CFLAR: variants seen among roughly 807,000 people sequenced by gnomAD.
The protein encoded by CFLAR is CASP8 and FADD like apoptosis regulator.
In CFLAR, 14 loss-of-function variants were observed where a neutral mutation model predicts 51.1. The observed-to-expected ratio is 0.27, with a 90% CI of 0.18 to 0.43. The LOEUF (loss-of-function observed/expected upper bound fraction) is 0.43, where lower values mean the gene tolerates loss of function less well. CFLAR is among the 20% of genes least tolerant of loss of function. CFLAR has a pLI of 1.00. For missense variants in CFLAR, 390 were observed against 566.5 expected (o/e 0.69, Z 3.16); for synonymous variants, 210 against 211.6 (o/e 0.99, Z 0.06).
At chr2:201,122,734 A>T (rs1218541715) in intron 1 of CFLAR, 2 of 152,244 alleles carry the variant, frequency 1.3e-5, no homozygotes, top group Non-Finnish European at 2.9e-5. Flanking sequence ...TTGAGAGAGA[A>T]GATATAATTT....
At position 201,169,466 on chromosome 2, in the gene CFLAR, T is replaced by C. The variant is rs1943878249; in HGVS notation, c.*5493T>C. On this transcript the variant is annotated 3_prime_UTR_variant, in exon 10 of 10. Transcript: ENST00000309955. The stretch of plus-strand genomic sequence containing the variant: ...ACCTTATACAAAAATTAACTCAAGA[T>C]TAAAGACTTAATGTAAAACCTAAAA... The C allele has an allele frequency of 6.6e-6, 1 of 152,242 alleles. No homozygotes were observed. Among genetic ancestry groups the C allele is most frequent in the African/African-American group, 2.4e-5 (1 of 41,560 alleles). The allele number at this position is 152,242 out of a possible 1,614,324, so 9.4% of individuals were successfully genotyped here.
intron 4 of CFLAR, chr2:201,139,007 G>A (rs985845996): frequency 3.2e-5 from 16 of 497,490 alleles, no homozygotes; most frequent in Non-Finnish European, 5.1e-5. Flanking sequence ...CACGGTGTGG[G>A]GAAAAGAAAG....
rs983451505 is a variant in CFLAR at position 201,167,143 on chromosome 2, T to A, written c.*3170T>A. On this transcript the variant is annotated 3_prime_UTR_variant, in exon 10 of 10. Coordinates refer to ENST00000309955, the MANE Select transcript of CFLAR (RefSeq NM_003879.7). ...TCTATTTGTGTATATTTTGTCATGA[T>A]CATGTAACAGAGTCTGAAAAGTGTC... The A allele has an allele frequency of 1.1e-4, 16 of 152,278 alleles. No homozygotes were observed. Among genetic ancestry groups the A allele is most frequent in the Admixed American group, 3.3e-4 (5 of 15,298 alleles). The allele number at this position is 152,278 out of a possible 1,614,324, so 9.4% of individuals were successfully genotyped here.
intron 2 of CFLAR, 34 bp downstream of exon 2, chr2:201,130,180 T>TGGGGTGGGG: frequency 1.3e-5 from 1 of 79,254 alleles, no homozygotes; most frequent in Non-Finnish European, 2.8e-5. Flanking sequence ...GCTGGGTGGG[T>TGGGGTGGGG]GGGAGGGAGT....
intron 1 of CFLAR, among the ~76,000 whole-genome samples, chr2:201,127,100 A>T (rs2048784393): frequency 9.5e-6 from 1 of 105,702 alleles, no homozygotes; most frequent in Admixed American, 9.4e-5. Flanking sequence ...ACAGGTGCCA[A>T]TTTTGTCTGG....
At chr2:201,134,640 T>TTAAAATAAAATAAAA (rs60192551) in intron 3 of CFLAR, among the ~76,000 whole-genome samples, 4,928 of 142,872 alleles carry the variant, frequency 0.034, 122 homozygotes, top group African/African-American at 0.046. Flanking sequence ...ATCTCAAAAA[T>TTAAAATAAAATAAAA]TAAAATAAAA....
intron 4 of CFLAR, chr2:201,137,704 T>G: frequency 2.6e-6 from 2 of 768,278 alleles, no homozygotes; most frequent in East Asian, 2.4e-5. Context: ...AACTTCTGAA[T>G]GGACCCTTTG....
chr2:201,148,793 G>T, intron 6 of CFLAR: 1 of 487,318 alleles, frequency 2.1e-6, no homozygotes, highest in Non-Finnish European at 3.8e-6. Context: ...TTTCCAGATA[G>T]CCCCTGATAG....
chr2:201,130,439 G>A (rs2049171695), intron 2 of CFLAR, among the ~76,000 whole-genome samples: 1 of 131,286 alleles, frequency 7.6e-6, no homozygotes, highest in African/African-American at 3.0e-5. Flanking sequence ...TTGGCTCACT[G>A]CAACCTCCGC....
At chr2:201,128,264 A>G (rs1202422848) in intron 1 of CFLAR, among the ~76,000 whole-genome samples, 1 of 152,200 alleles carries the variant, frequency 6.6e-6, no homozygotes, top group Non-Finnish European at 1.5e-5. Context: ...AGATTAAAGC[A>G]CTGTTGGCCT....
chr2:201,136,334 A>G (rs752219384), intron 4 of CFLAR: 44 of 1,598,446 alleles, frequency 2.8e-5, no homozygotes, highest in Non-Finnish European at 3.6e-5. Flanking sequence ...AATGCTGCCA[A>G]GCAGTTCTTA....
chr2:201,142,907 A>AT (rs1939275951), intron 5 of CFLAR: 1 of 152,162 alleles, frequency 6.6e-6, no homozygotes, highest in Admixed American at 6.5e-5. Context: ...CCTAGCATAT[A>AT]TTTTTTAAAA....
At chr2:201,130,187 G>GGGGA in intron 2 of CFLAR, 41 bp downstream of exon 2, 9 of 292,382 alleles carry the variant, frequency 3.1e-5, no homozygotes, top group South Asian at 1.2e-4. Flanking sequence ...GGGTGGGAGG[G>GGGGA]AGTGAAGTGT....
At position 201,118,168 on chromosome 2, in the gene CFLAR, G is replaced by T. The variant is rs2047801620; in HGVS notation, c.-138+1687G>T. ...AATACTTGCTTTACTTAAGCTTTTG[G>T]GTCAAATGTCCTCGTTAAAATGGCT... On this transcript the variant is annotated intron_variant, in intron 1 of 9. Transcript: ENST00000309955. The surrounding 1 kb of genome is among the most constrained non-coding windows in gnomAD (Gnocchi z 5.1). Among the ~76,000 whole-genome samples, 1 of 152,068 alleles carries T rather than the reference G, an allele frequency of 6.6e-6. No individual in the cohort carries two copies. The highest frequency in any genetic ancestry group is 2.1e-4 in the South Asian group (1 of 4,816).
chr2:201,136,712 T>C (rs1489675822), intron 4 of CFLAR: 4 of 650,328 alleles, frequency 6.2e-6, no homozygotes, highest in African/African-American at 3.6e-5. Context: ...CTGAGACTCA[T>C]TGATCTATAG....
rs1943829498 is a variant in CFLAR at position 201,168,815 on chromosome 2, A to AC, written c.*4844dup. The stretch of plus-strand genomic sequence containing the variant: ...TGCAGAAATCACAAGCATTCTATAC[A>AC]CCAACAATACACAAGCAGAGAGCCA... On this transcript the variant is annotated 3_prime_UTR_variant, in exon 10 of 10. Coordinates refer to ENST00000309955, the MANE Select transcript of CFLAR (RefSeq NM_003879.7). 6.6e-6 allele frequency: 1 copy of AC among 152,154 alleles called. No homozygotes were observed. Among genetic ancestry groups the AC allele is most frequent in the Admixed American group, 6.6e-5 (1 of 15,256 alleles). The allele number at this position is 152,154 out of a possible 1,614,324, so 9.4% of individuals were successfully genotyped here.
Position 201,129,845 on chromosome 2 carries a change from CT to C in CFLAR, c.-19del. ...AGCTGTACTGCAAGACCCTTGTGAG[CT>C]TCCCTAGTCTAAGAGTAGGATGTCT... is the stretch of plus-strand genomic sequence containing the variant. On this transcript the variant is annotated 5_prime_UTR_variant, in exon 2 of 10. The change abolishes the stop of an existing upstream ORF in the 5' untranslated region. Coordinates refer to ENST00000309955, the MANE Select transcript of CFLAR (RefSeq NM_003879.7). 6.2e-7 allele frequency: 1 copy of C among 1,609,914 alleles called. No homozygotes were observed. Among genetic ancestry groups the C allele is most frequent in the East Asian group, 2.2e-5 (1 of 44,852 alleles).
At position 201,165,587 on chromosome 2, in the gene CFLAR, A is replaced by ATT; in HGVS notation, c.*1625_*1626dup. The ATT allele has an allele frequency of 6.7e-6, 1 of 150,260 alleles. No homozygotes were observed. Among genetic ancestry groups the ATT allele is most frequent in the Non-Finnish European group, 1.5e-5 (1 of 68,050 alleles). The allele number at this position is 150,260 out of a possible 1,614,324, so 9.3% of individuals were successfully genotyped here. A position where few individuals can be genotyped will look rare whatever the true frequency, so the allele number is the denominator to read the frequency against. On this transcript the variant is annotated 3_prime_UTR_variant, in exon 10 of 10. Coordinates refer to ENST00000309955, the MANE Select transcript of CFLAR (RefSeq NM_003879.7). Reference sequence around the variant, plus strand: ...GCACCTGGCCTATTATTATTTTTAAATTTTTTTTTTTTAATTGATCATTCT... The same window carrying ATT: ...GCACCTGGCCTATTATTATTTTTAAATTTTTTTTTTTTTTAATTGATCATTCT...
chr2:201,119,283 A>G (rs2047930878), intron 1 of CFLAR: 1 of 152,216 alleles, frequency 6.6e-6, no homozygotes, highest in Non-Finnish European at 1.5e-5. Flanking sequence ...AAATGGATCT[A>G]AACTTGGTTC....
Sources: allele counts gnomAD v4.1 joint callset (sites outside exome capture counted in the v4.1 genomes callset), GRCh38; gene constraint gnomAD v4.1.1; non-coding constraint Gnocchi (gnomAD v3.1); transcripts MANE v1.5; gene names NCBI Gene and HGNC (gene_info 2026-07-23, HGNC 2026-07-21).